Variants in FAM107B observed in about 807,000 individuals in gnomAD.
FAM107B encodes family with sequence similarity 107 member B, also known as protein FAM107B.
In FAM107B, 21 loss-of-function variants were observed where a neutral mutation model predicts 31.5. The observed-to-expected ratio is 0.67, with a 90% CI of 0.47 to 0.96. The LOEUF (loss-of-function observed/expected upper bound fraction) is 0.96. Ranked by LOEUF, FAM107B falls within the 40% of genes least tolerant of loss-of-function variation. FAM107B has a pLI of 0.00. For missense variants in FAM107B, 452 were observed against 377.1 expected, an observed-to-expected ratio of 1.20 and a Z score of -1.64; for synonymous variants, 157 against 141.5, an observed-to-expected ratio of 1.11 and a Z score of -0.78.
intron 2 of FAM107B, among the ~76,000 whole-genome samples, chr10:14,636,113 C>A (rs919901509): frequency 2.0e-5 from 3 of 152,150 alleles, no homozygotes; most frequent in African/African-American, 7.2e-5. Flanking sequence ...AGCACAACTA[C>A]TTCTTCGATG....
chr10:14,645,626 G>T (rs373803799), intron 2 of FAM107B, among the ~76,000 whole-genome samples: 4 of 152,340 alleles, frequency 2.6e-5, no homozygotes, highest in East Asian at 1.9e-4. Flanking sequence ...CTCCCAGAGG[G>T]CTTGGCTACT....
At chr10:14,624,951 G>A (rs11259234) in intron 2 of FAM107B, among the ~76,000 whole-genome samples, 8,567 of 152,156 alleles carry the variant, frequency 0.056, 275 homozygotes, top group South Asian at 0.071. Context: ...GTGGCCGGGC[G>A]TGGTGGCTCA....
chr10:14,689,067 G>A (rs888701252), intron 1 of FAM107B, among the ~76,000 whole-genome samples: 3 of 152,148 alleles, frequency 2.0e-5, no homozygotes, highest in Admixed American at 2.0e-4. Flanking sequence ...CTGGGCTGGT[G>A]TGGGAAATAC....
At chr10:14,675,101 AT>A (rs1158256603) in intron 1 of FAM107B, among the ~76,000 whole-genome samples, 1 of 151,868 alleles carries the variant, frequency 6.6e-6, no homozygotes, top group Non-Finnish European at 1.5e-5. Context: ...AAACTGCTAT[AT>A]TTTTTTCCTA....
chr10:14,720,917 C>T (rs542190640), intron 1 of FAM107B, among the ~76,000 whole-genome samples: 9 of 151,956 alleles, frequency 5.9e-5, no homozygotes, highest in Non-Finnish European at 1.3e-4. Context: ...CGTAGGTATA[C>T]GCGTGCCATG....
At chr10:14,663,112 C>T (rs544429609) in intron 2 of FAM107B, among the ~76,000 whole-genome samples, 5 of 152,238 alleles carry the variant, frequency 3.3e-5, no homozygotes, top group Admixed American at 2.0e-4. Context: ...TGGCCTTACA[C>T]CAGTGGTTTG....
At chr10:14,663,610 A>G (rs960411043) in intron 2 of FAM107B, 4 of 152,216 alleles carry the variant, frequency 2.6e-5, no homozygotes, top group African/African-American at 9.7e-5. Context: ...AAATGGGCTA[A>G]TGTATCCATG....
At chr10:14,755,742 A>T (rs1343865737) in intron 1 of FAM107B, among the ~76,000 whole-genome samples, 5 of 152,200 alleles carry the variant, frequency 3.3e-5, no homozygotes, top group Non-Finnish European at 5.9e-5. Flanking sequence ...CTTTAAGATG[A>T]TGAGGAAAGA....
At chr10:14,711,291 C>T (rs1241348892) in intron 1 of FAM107B, among the ~76,000 whole-genome samples, 2 of 152,182 alleles carry the variant, frequency 1.3e-5, no homozygotes, top group Non-Finnish European at 1.5e-5. Context: ...ATGTCCTAGG[C>T]CTTTAGATTC....
At chr10:14,642,611 G>A (rs73589368) in intron 2 of FAM107B, among the ~76,000 whole-genome samples, 3,315 of 141,612 alleles carry the variant, frequency 0.023, 113 homozygotes, top group African/African-American at 0.082. Flanking sequence ...CCATGACCTT[G>A]GTGTTTTTTT....
intron 2 of FAM107B, among the ~76,000 whole-genome samples, chr10:14,597,992 T>G (rs894517687): frequency 3.3e-5 from 5 of 152,154 alleles, no homozygotes; most frequent in Non-Finnish European, 4.4e-5. Context: ...TTGAAATGTC[T>G]AAGTCCTTAG....
chr10:14,665,402 C>A (rs1854379140), intron 2 of FAM107B, among the ~76,000 whole-genome samples: 1 of 152,240 alleles, frequency 6.6e-6, no homozygotes, highest in Non-Finnish European at 1.5e-5. Context: ...TCAGTAAAGT[C>A]ATCTCATTTC....
intron 2 of FAM107B, among the ~76,000 whole-genome samples, chr10:14,642,323 G>A (rs1390181168): frequency 6.6e-6 from 1 of 152,186 alleles, no homozygotes; most frequent in Non-Finnish European, 1.5e-5. Flanking sequence ...GTGTCCCCAA[G>A]GCTCCTCTGG....
chr10:14,666,678 A>T (rs933414052), intron 2 of FAM107B, among the ~76,000 whole-genome samples: 1 of 152,222 alleles, frequency 6.6e-6, no homozygotes, highest in African/African-American at 2.4e-5. Context: ...CTGTACAAGG[A>T]TCTGCAAGGG....
At chr10:14,621,182 T>G (rs143364913) in intron 2 of FAM107B, among the ~76,000 whole-genome samples, 1 of 152,196 alleles carries the variant, frequency 6.6e-6, no homozygotes, top group African/African-American at 2.4e-5. Context: ...AAATTTGGCA[T>G]TCTTTTCAGG....
intron 2 of FAM107B, among the ~76,000 whole-genome samples, chr10:14,633,524 A>G (rs1167096809): frequency 6.6e-6 from 1 of 152,250 alleles, no homozygotes; most frequent in Non-Finnish European, 1.5e-5. Context: ...ATTCATTCTT[A>G]CATTAACTTA....
chr10:14,561,485 G>C (rs912637704), intron 2 of FAM107B, among the ~76,000 whole-genome samples: 1 of 152,164 alleles, frequency 6.6e-6, no homozygotes, highest in Admixed American at 6.5e-5. Context: ...CAAACACAGA[G>C]GCCTGGGGTA....
At chr10:14,725,507 T>C (rs965156329) in intron 1 of FAM107B, among the ~76,000 whole-genome samples, 4 of 152,140 alleles carry the variant, frequency 2.6e-5, no homozygotes, top group African/African-American at 9.7e-5. Context: ...AAGTCCAAGA[T>C]TAAGGCTCTG....
At chr10:14,602,311 T>C (rs977831017) in intron 2 of FAM107B, 1 of 152,218 alleles carries the variant, frequency 6.6e-6, no homozygotes. Flanking sequence ...AACTTCAAAA[T>C]GTATTGCATC....
Sources: allele counts gnomAD v4.1 joint callset (sites outside exome capture counted in the v4.1 genomes callset), GRCh38; gene constraint gnomAD v4.1.1; transcripts MANE v1.5; gene names NCBI Gene and HGNC (gene_info 2026-07-23, HGNC 2026-07-21).